Variants in TAF2 observed in about 807,000 individuals in gnomAD.
TAF2 encodes transcription initiation factor TFIID subunit 2.
TAF2 carries 61 observed loss-of-function variants against 138.5 expected under a neutral mutation model. That is an observed-to-expected ratio of 0.44 (90% CI 0.36 to 0.54). TAF2 has a LOEUF of 0.54. TAF2 is among the 20% of genes least tolerant of loss of function. TAF2 has a pLI of 0.00. For missense variants in TAF2, 1,090 were observed against 1,427.9 expected, an observed-to-expected ratio of 0.76 and a Z score of 3.81; for synonymous variants, 475 against 469.9, an observed-to-expected ratio of 1.01 and a Z score of -0.14.
At chr8:119,771,865 T>C (rs1444944889) in intron 18 of TAF2, among the ~76,000 whole-genome samples, 3 of 152,202 alleles carry the variant, frequency 2.0e-5, no homozygotes, top group Non-Finnish European at 2.9e-5. Flanking sequence ...CAGATCATTC[T>C]ACCCACAACT....
At chr8:119,801,732 T>G in intron 6 of TAF2, 62 bp downstream of exon 6, 1 of 1,526,346 alleles carries the variant, frequency 6.6e-7, no homozygotes, top group Non-Finnish European at 9.1e-7. Context: ...CTTGCCAATA[T>G]CTATCTTTTT....
rs758035945 is a variant in TAF2 at position 119,781,047 on chromosome 8, CTG to C, written c.2253+4_2253+5del. ...AACCATGAGAAAATTAGAAAGTAAA[CTG>C]TACCTTCTGTAGAAAATAGCTTTGA... On this transcript the variant is annotated splice_donor_5th_base_variant and intron_variant, in intron 17 of 25. Transcript: ENST00000378164. 2.5e-6 allele frequency: 4 copies of C among 1,606,816 alleles called. No individual in the cohort carries two copies. The highest frequency in any genetic ancestry group is 3.4e-6 in the Non-Finnish European group (4 of 1,176,690).
chr8:119,793,587 T>C (rs1160469125), intron 9 of TAF2, 136 bp from the exon 10 acceptor site: 2 of 692,574 alleles, frequency 2.9e-6, no homozygotes, highest in Non-Finnish European at 2.4e-6. Flanking sequence ...GTGAAATGTA[T>C]TTAAAGAGTA....
chr8:119,797,714 T>C lies in TAF2; in HGVS notation c.925A>G (p.Ile309Val), dbSNP rs777358029. Reference sequence around the variant, plus strand: ...GCCACTTCAACATAAGCCTCATCAATGAAGACAGTCTTAAAACAGGAGTAT... The same window carrying C: ...GCCACTTCAACATAAGCCTCATCAACGAAGACAGTCTTAAAACAGGAGTAT... ...YPYSCFKTVF[I>V]DEAYVEVAAY... Residue 309 changes from isoleucine (I) to valine (V), a missense_variant, in exon 7 of 26, where the codon ATT becomes GTT. Physicochemically the swap from Ile to Val is conservative, Grantham distance 29. Around this residue, in one of 3 missense-constraint regions of TAF2, gnomAD observed 504 missense variants for 680.9 expected, o/e 0.74. Coordinates refer to ENST00000378164, the MANE Select transcript of TAF2 (RefSeq NM_003184.4). 7.4e-6 allele frequency: 12 copies of C among 1,613,510 alleles called. No homozygotes were observed. Among genetic ancestry groups the C allele is most frequent in the South Asian group, 5.5e-5 (5 of 91,054 alleles).
rs1823410625 is a variant in TAF2 at position 119,791,282 on chromosome 8, A to G, written c.1413+42T>C. On this transcript the variant is annotated intron_variant, in intron 11 of 25. Coordinates refer to ENST00000378164, the MANE Select transcript of TAF2 (RefSeq NM_003184.4). Reference sequence around the variant, plus strand: ...ACATACTCAGATTATACACATACAGATCTTTATTTACCATTGTTAAGTTCT... The same window carrying G: ...ACATACTCAGATTATACACATACAGGTCTTTATTTACCATTGTTAAGTTCT... 1.9e-6 allele frequency: 3 copies of G among 1,604,112 alleles called. No individual in the cohort carries two copies. The East Asian group carries it at 6.7e-5, about 36-fold the overall frequency.
intron 2 of TAF2, among the ~76,000 whole-genome samples, chr8:119,827,599 T>C (rs899579493): frequency 2.6e-5 from 4 of 152,132 alleles, no homozygotes; most frequent in African/African-American, 7.2e-5. Context: ...ACAACTACAA[T>C]TGAGAAACCT....
chr8:119,813,769 T>A (rs1408129217), intron 3 of TAF2, among the ~76,000 whole-genome samples: 1 of 152,152 alleles, frequency 6.6e-6, no homozygotes, highest in Non-Finnish European at 1.5e-5. Context: ...GAACTGTAGC[T>A]CAATGTAATA....
At chr8:119,820,317 G>A (rs1321739098) in intron 2 of TAF2, among the ~76,000 whole-genome samples, 4 of 152,110 alleles carry the variant, frequency 2.6e-5, no homozygotes, top group Admixed American at 6.6e-5. Context: ...GGACTCCAAC[G>A]TGAAGAGAAA....
chr8:119,740,673 A>AG (rs1285318300), intron 25 of TAF2, among the ~76,000 whole-genome samples: 1 of 85,450 alleles, frequency 1.2e-5, no homozygotes, highest in Non-Finnish European at 2.4e-5. Flanking sequence ...AAAAAAAAAA[A>AG]AAAAAAGAAA....
intron 6 of TAF2, among the ~76,000 whole-genome samples, chr8:119,799,082 T>C (rs1234489703): frequency 1.3e-5 from 2 of 152,136 alleles, no homozygotes; most frequent in Admixed American, 6.6e-5. Flanking sequence ...TCCTATTCAA[T>C]AGCTCAGAGT....
chr8:119,795,698 A>T, intron 8 of TAF2, 67 bp from the exon 9 acceptor site: 1 of 1,348,502 alleles, frequency 7.4e-7, no homozygotes, highest in Non-Finnish European at 1.1e-6. Flanking sequence ...GTCAAAGAGG[A>T]TAACGGAATA....
chr8:119,773,477 A>G (rs961414596), intron 18 of TAF2, among the ~76,000 whole-genome samples: 1 of 151,562 alleles, frequency 6.6e-6, no homozygotes, highest in African/African-American at 2.4e-5. Context: ...CAGAGGGTTA[A>G]ATTTATATCT....
At chr8:119,749,467 C>G (rs972992248) in intron 22 of TAF2, among the ~76,000 whole-genome samples, 3 of 151,974 alleles carry the variant, frequency 2.0e-5, no homozygotes, top group South Asian at 4.2e-4. Context: ...GAGATAAAAG[C>G]CAAAATTTCA....
chr8:119,813,265 T>C (rs1287371798), intron 3 of TAF2, among the ~76,000 whole-genome samples: 1 of 152,276 alleles, frequency 6.6e-6, no homozygotes, highest in Admixed American at 6.5e-5. Flanking sequence ...TGCCTATTCA[T>C]GTTGCTTTAA....
chr8:119,794,492 G>A (rs1339564550), intron 9 of TAF2, among the ~76,000 whole-genome samples: 1 of 151,806 alleles, frequency 6.6e-6, no homozygotes, highest in Non-Finnish European at 1.5e-5. Context: ...GTACAGAAAA[G>A]TGGCAAACAG....
At chr8:119,760,842 G>T in intron 19 of TAF2, 104 bp from the exon 20 acceptor site, 1 of 1,480,962 alleles carries the variant, frequency 6.8e-7, no homozygotes, top group Non-Finnish European at 9.3e-7. Flanking sequence ...TTTAAAAACT[G>T]ATGTGATTTT....
chr8:119,824,010 T>G (rs1431137361), intron 2 of TAF2, among the ~76,000 whole-genome samples: 1 of 152,176 alleles, frequency 6.6e-6, no homozygotes, highest in African/African-American at 2.4e-5. Context: ...ATTTAGGGTA[T>G]CTGGTAGAAG....
In TAF2 at chr8:119,746,931, G is replaced by A. The variant is rs769561398; in HGVS notation, c.2882C>T (p.Thr961Ile). Reference protein sequence around the residue: ...DQLWKLMNSGTSHDWRLRCGA... With the variant: ...DQLWKLMNSGISHDWRLRCGA... ...ACACCGTAACCTCCAGTCATGTGAA[G>A]TACCTAAAAAGTAAGTAATAAAGAA... is the stretch of plus-strand genomic sequence containing the variant. Residue 961 changes from threonine (T) to isoleucine (I), a missense_variant, in exon 23 of 26, where the codon ACT (threonine) becomes ATT (isoleucine). Coordinates refer to ENST00000378164, the MANE Select transcript of TAF2 (RefSeq NM_003184.4). 79 of 1,613,900 alleles carry A rather than the reference G, an allele frequency of 4.9e-5. No individual in the cohort carries two copies. The highest frequency in any genetic ancestry group is 6.0e-5 in the Non-Finnish European group (71 of 1,179,982).
In TAF2 at chr8:119,831,721, C is replaced by A. The variant is rs1826456951; in HGVS notation, c.94G>T (p.Val32Phe). The A allele has an allele frequency of 6.2e-7, 1 of 1,600,030 alleles. No homozygotes were observed. Among genetic ancestry groups the A allele is most frequent in the South Asian group, 1.1e-5 (1 of 88,932 alleles). Residue 32 changes from valine (V) to phenylalanine (F), a missense_variant, in exon 2 of 26, where the codon GTC (valine) becomes TTC (phenylalanine). Coordinates refer to ENST00000378164, the MANE Select transcript of TAF2 (RefSeq NM_003184.4). ...SPRPYKLTHQ[V>F]VCINNINFQR... ...AAATTTATGTTGTTGATGCAGACGACCTGATGGGTTGTATATTAATAAATA... is the reference window on the plus strand; with the variant it reads ...AAATTTATGTTGTTGATGCAGACGAACTGATGGGTTGTATATTAATAAATA...
Sources: allele counts gnomAD v4.1 joint callset (sites outside exome capture counted in the v4.1 genomes callset), GRCh38; gene constraint gnomAD v4.1.1; regional missense constraint gnomAD v4.1.1; transcripts MANE v1.5; gene names NCBI Gene and HGNC (gene_info 2026-07-23, HGNC 2026-07-21).